The following DRC11 variants were observed in gnomAD, a reference collection of about 807,000 sequenced individuals.
DRC11 encodes the protein IQ and AAA domain-containing protein 1.
At chr2:236,465,666 C>A in the DRC11 span, 1 of 1,611,708 alleles carries the variant, frequency 6.2e-7, no homozygotes, top group Non-Finnish European at 8.5e-7. The surrounding 1 kb of genome is among the most constrained non-coding windows in gnomAD (Gnocchi z 6.2). Flanking sequence ...CCTTTTCAGC[C>A]TGGATTACTG....
At chr2:236,403,430 G>C in the DRC11 span, among the ~76,000 whole-genome samples, 2 of 151,878 alleles carry the variant, frequency 1.3e-5, no homozygotes, top group Admixed American at 1.3e-4. Flanking sequence ...GCTTGGAGTT[G>C]GCTTATGAGC....
the DRC11 span, among the ~76,000 whole-genome samples, chr2:236,462,182 C>A: frequency 1.3e-5 from 2 of 152,230 alleles, no homozygotes; most frequent in East Asian, 1.9e-4. The surrounding 1 kb of genome is among the most constrained non-coding windows in gnomAD (Gnocchi z 6.4). Flanking sequence ...GCTGGATAGG[C>A]CCCTGAGACC....
At chr2:236,447,288 G>A in the DRC11 span, among the ~76,000 whole-genome samples, 4 of 151,724 alleles carry the variant, frequency 2.6e-5, no homozygotes, top group Middle Eastern at 3.4e-3. This position sits in a 1 kb window ranked among gnomAD's most constrained non-coding sequence, Gnocchi z 4.6. Flanking sequence ...GCAGAGACGC[G>A]GTCATGCTGG....
chr2:236,307,293 G>A, the DRC11 span, among the ~76,000 whole-genome samples: 6 of 152,088 alleles, frequency 3.9e-5, no homozygotes, highest in Non-Finnish European at 2.9e-5. This position sits in a 1 kb window ranked among gnomAD's most constrained non-coding sequence, Gnocchi z 7.0. Context: ...AGACCCCCTG[G>A]CTCCTACGAC....
At chr2:236,422,156 A>T in the DRC11 span, among the ~76,000 whole-genome samples, 44 of 152,232 alleles carry the variant, frequency 2.9e-4, no homozygotes, top group Non-Finnish European at 5.7e-4. Flanking sequence ...CAAGACAGGG[A>T]TGCCCTCTCT....
the DRC11 span, among the ~76,000 whole-genome samples, chr2:236,357,885 TAA>T: frequency 8.8e-4 from 75 of 85,590 alleles, no homozygotes; most frequent in Admixed American, 1.3e-3. Flanking sequence ...ATATACTATA[TAA>T]ATGTATTTAT....
the DRC11 span, among the ~76,000 whole-genome samples, chr2:236,323,697 C>A: frequency 6.6e-6 from 1 of 152,152 alleles, no homozygotes; most frequent in African/African-American, 2.4e-5. This position sits in a 1 kb window ranked among gnomAD's most constrained non-coding sequence, Gnocchi z 6.4. Context: ...TGTGGTCTAA[C>A]CCCAAACTGT....
the DRC11 span, chr2:236,363,767 A>C: frequency 1.9e-6 from 3 of 1,587,778 alleles, no homozygotes; most frequent in Non-Finnish European, 2.6e-6. The surrounding 1 kb of genome is among the most constrained non-coding windows in gnomAD (Gnocchi z 5.6). Context: ...AAACCAAGAA[A>C]TGTAATCCAT....
the DRC11 span, chr2:236,367,970 A>T: frequency 1.8e-6 from 1 of 567,610 alleles, no homozygotes; most frequent in East Asian, 3.1e-5. This position sits in a 1 kb window ranked among gnomAD's most constrained non-coding sequence, Gnocchi z 4.8. Flanking sequence ...TCAGCCCAGC[A>T]CTGCTAAGCA....
the DRC11 span, among the ~76,000 whole-genome samples, chr2:236,405,459 G>A: frequency 6.6e-5 from 10 of 151,790 alleles, no homozygotes; most frequent in East Asian, 1.2e-3. The surrounding 1 kb of genome is among the most constrained non-coding windows in gnomAD (Gnocchi z 4.6). Flanking sequence ...CTTTCTCTGG[G>A]GCTCCTCAAA....
chr2:236,389,543 C>T, the DRC11 span, among the ~76,000 whole-genome samples: 12 of 152,336 alleles, frequency 7.9e-5, no homozygotes, highest in African/African-American at 2.9e-4. Context: ...CGCGCACCCA[C>T]TGACCTGTGC....
the DRC11 span, among the ~76,000 whole-genome samples, chr2:236,357,835 A>G: frequency 1.0e-5 from 1 of 100,416 alleles, no homozygotes; most frequent in Admixed American, 9.7e-5. Context: ...CATATACTAT[A>G]TAAATATGTA....
At chr2:236,395,721 G>C in the DRC11 span, among the ~76,000 whole-genome samples, 1 of 152,182 alleles carries the variant, frequency 6.6e-6, no homozygotes, top group Non-Finnish European at 1.5e-5. Context: ...TTCTAGAAAA[G>C]GTTTAAATGT....
the DRC11 span, among the ~76,000 whole-genome samples, chr2:236,417,997 G>A: frequency 0.17 from 26,245 of 152,132 alleles, 2,506 homozygotes; most frequent in Non-Finnish European, 0.22. Context: ...ATTTGGGTTG[G>A]TTCCAAGTCT....
At chr2:236,377,053 C>T in the DRC11 span, 5 of 1,251,234 alleles carry the variant, frequency 4.0e-6, no homozygotes, top group Admixed American at 5.4e-5. The surrounding 1 kb of genome is among the most constrained non-coding windows in gnomAD (Gnocchi z 4.9). Flanking sequence ...GATTTCAAAA[C>T]ACAAGAGGTG....
At chr2:236,308,683 A>G in the DRC11 span, among the ~76,000 whole-genome samples, 1 of 152,184 alleles carries the variant, frequency 6.6e-6, no homozygotes, top group African/African-American at 2.4e-5. This position sits in a 1 kb window ranked among gnomAD's most constrained non-coding sequence, Gnocchi z 6.0. Context: ...TTGAAAAGGA[A>G]TTCATTGAGT....
chr2:236,316,274 T>C, the DRC11 span, among the ~76,000 whole-genome samples: 1 of 152,142 alleles, frequency 6.6e-6, no homozygotes, highest in Non-Finnish European at 1.5e-5. This position sits in a 1 kb window ranked among gnomAD's most constrained non-coding sequence, Gnocchi z 6.8. Flanking sequence ...GTGATTCTCC[T>C]GCCTCAGCCT....
At chr2:236,344,873 G>A in the DRC11 span, among the ~76,000 whole-genome samples, 3 of 149,652 alleles carry the variant, frequency 2.0e-5, no homozygotes, top group Admixed American at 1.3e-4. Flanking sequence ...GGTTATAAAC[G>A]TGCTTCCCTC....
At chr2:236,361,975 C>T in the DRC11 span, among the ~76,000 whole-genome samples, 1 of 152,072 alleles carries the variant, frequency 6.6e-6, no homozygotes, top group Admixed American at 6.5e-5. The surrounding 1 kb of genome is among the most constrained non-coding windows in gnomAD (Gnocchi z 5.7). Context: ...TAGTATCAGA[C>T]CAGGTAGATT....
Sources: allele counts gnomAD v4.1 joint callset (sites outside exome capture counted in the v4.1 genomes callset), GRCh38; gene constraint gnomAD v4.1.1; non-coding constraint Gnocchi (gnomAD v3.1); transcripts MANE v1.5; gene names NCBI Gene and HGNC (gene_info 2026-07-23, HGNC 2026-07-21).